Variants in EIF4E observed in about 807,000 individuals in gnomAD.
The protein encoded by EIF4E is eukaryotic translation initiation factor 4E, also known as eIF-4F 25 kDa subunit.
For synonymous variants in EIF4E, 71 were observed against 88.5 expected (o/e 0.80, Z 1.11); for missense variants, 113 against 265.6 (o/e 0.43, Z 3.99).
chr4:98,883,311 T>A (rs1723777271), intron 6 of EIF4E, among the ~76,000 whole-genome samples: 1 of 152,032 alleles, frequency 6.6e-6, no homozygotes, highest in Admixed American at 6.6e-5. Context: ...TTAATAATAT[T>A]TGAAAAATCA....
chr4:98,895,707 T>C (rs1724350986), intron 2 of EIF4E: 1 of 152,138 alleles, frequency 6.6e-6, no homozygotes, highest in Admixed American at 6.5e-5. Flanking sequence ...TAAAAATAAT[T>C]CAATCTTTTT....
At chr4:98,885,640 C>T (rs950484169) in intron 5 of EIF4E, among the ~76,000 whole-genome samples, 1 of 152,082 alleles carries the variant, frequency 6.6e-6, no homozygotes, top group Non-Finnish European at 1.5e-5. Context: ...TTTGTAGAGA[C>T]AGGGTTTTGC....
chr4:98,901,042 A>T (rs981082804), intron 2 of EIF4E, among the ~76,000 whole-genome samples: 1 of 152,186 alleles, frequency 6.6e-6, no homozygotes, highest in South Asian at 2.1e-4. Flanking sequence ...GAACCTTACT[A>T]AAAAACTTTT....
intron 1 of EIF4E, chr4:98,903,438 C>G (rs1273266343): frequency 2.2e-6 from 1 of 454,986 alleles, no homozygotes; most frequent in Admixed American, 2.4e-5. Flanking sequence ...ATCTCCCTGG[C>G]TCAAGCAATC....
chr4:98,908,207 A>G (rs1428960583), intron 1 of EIF4E, among the ~76,000 whole-genome samples: 1 of 152,178 alleles, frequency 6.6e-6, no homozygotes, highest in Non-Finnish European at 1.5e-5. Context: ...ACACACAGTA[A>G]GTAGGGATAT....
At chr4:98,892,175 C>T (rs1158518119) in intron 2 of EIF4E, among the ~76,000 whole-genome samples, 4 of 149,158 alleles carry the variant, frequency 2.7e-5, no homozygotes, top group African/African-American at 2.5e-5. Flanking sequence ...GGAGAAACTC[C>T]GTCTCTAGGA....
At chr4:98,902,062 G>T in intron 1 of EIF4E, 80 bp from the exon 2 acceptor site, 1 of 1,337,674 alleles carries the variant, frequency 7.5e-7, no homozygotes, top group Non-Finnish European at 1.1e-6. Context: ...AACCTGAACT[G>T]ATATGCTGAT....
intron 1 of EIF4E, among the ~76,000 whole-genome samples, chr4:98,902,861 AAAC>A (rs1724708739): frequency 6.6e-6 from 1 of 151,718 alleles, no homozygotes; most frequent in Admixed American, 6.6e-5. Flanking sequence ...AAACAAAACA[AAAC>A]AACATTATGA....
chr4:98,920,392 C>T (rs767770296), intron 1 of EIF4E, among the ~76,000 whole-genome samples: 55 of 151,996 alleles, frequency 3.6e-4, no homozygotes, highest in Non-Finnish European at 6.3e-4. Context: ...CCTCCACCTC[C>T]CAGGTTCAAG....
intron 2 of EIF4E, among the ~76,000 whole-genome samples, chr4:98,900,331 T>C (rs988842339): frequency 2.0e-5 from 3 of 152,148 alleles, no homozygotes; most frequent in African/African-American, 2.4e-5. Flanking sequence ...GAATCTCCAT[T>C]GTCTAAAAAA....
chr4:98,899,600 G>A (rs909878881), intron 2 of EIF4E, among the ~76,000 whole-genome samples: 5 of 152,156 alleles, frequency 3.3e-5, no homozygotes, highest in Non-Finnish European at 7.4e-5. Context: ...ATGTAAGGAT[G>A]TAAATTACAG....
intron 6 of EIF4E, among the ~76,000 whole-genome samples, chr4:98,883,749 A>G (rs1231681787): frequency 1.3e-5 from 2 of 152,020 alleles, no homozygotes; most frequent in Non-Finnish European, 2.9e-5. Flanking sequence ...CTTAGAAAAA[A>G]AATGTCAGCT....
At chr4:98,919,904 T>C (rs1725573038) in intron 1 of EIF4E, among the ~76,000 whole-genome samples, 2 of 152,206 alleles carry the variant, frequency 1.3e-5, no homozygotes, top group Admixed American at 1.3e-4. Context: ...AGGTAGCCAT[T>C]ACCTACATGT....
At chr4:98,891,094 T>A in intron 3 of EIF4E, 143 bp downstream of exon 3, 5 of 864,456 alleles carry the variant, frequency 5.8e-6, no homozygotes, top group Non-Finnish European at 7.4e-6. Flanking sequence ...AATCACCAAT[T>A]CAAACTTTTG....
chr4:98,902,115 C>CT, intron 1 of EIF4E, 133 bp from the exon 2 acceptor site: 1 of 743,240 alleles, frequency 1.3e-6, no homozygotes, highest in Non-Finnish European at 2.2e-6. Flanking sequence ...GTTGCCCAGG[C>CT]TGGAGTGCAG....
chr4:98,900,928 C>A (rs1724616117), intron 2 of EIF4E, among the ~76,000 whole-genome samples: 1 of 152,178 alleles, frequency 6.6e-6, no homozygotes, highest in Non-Finnish European at 1.5e-5. Context: ...CATTCTCAGT[C>A]CAACTTCAAG....
chr4:98,887,078 C>T lies in EIF4E; in HGVS notation c.399+1G>A, dbSNP rs1334981585. 1 of 1,612,592 alleles carries T rather than the reference C, an allele frequency of 6.2e-7. No individual in the cohort carries two copies. On this transcript the variant is annotated splice_donor_variant, in intron 5 of 6. Transcript: ENST00000450253. LOFTEE classifies it high-confidence loss of function. The surrounding 1 kb of genome is among the most constrained non-coding windows in gnomAD (Gnocchi z 4.0). ...ACTGCTTTATACTTTTAAAACCTTA[C>T]TGTCTCTAGCCAAAAGCGATCGAGG...
intron 5 of EIF4E, among the ~76,000 whole-genome samples, chr4:98,885,622 T>C (rs1723886115): frequency 6.6e-6 from 1 of 152,110 alleles, no homozygotes; most frequent in Non-Finnish European, 1.5e-5. Flanking sequence ...CAGTTAATTT[T>C]TGTATTTTTT....
chr4:98,892,643 C>A (rs1292610889), intron 2 of EIF4E, among the ~76,000 whole-genome samples: 26 of 144,208 alleles, frequency 1.8e-4, no homozygotes, highest in African/African-American at 2.6e-5. Context: ...GATTGTGCCA[C>A]AGCACTCCAG....
Sources: gnomAD v4.1 joint callset for allele counts (sites outside exome capture counted in the v4.1 genomes callset) on GRCh38, gnomAD v4.1.1 for gene constraint, Gnocchi (gnomAD v3.1) non-coding constraint, MANE v1.5 for transcripts, NCBI Gene and HGNC (gene_info 2026-07-23, HGNC 2026-07-21) for gene names.